The following PRR11 variants were observed in gnomAD, a reference collection of about 807,000 sequenced individuals.
The protein encoded by PRR11 is proline-rich protein 11.
PRR11 carries 30 observed loss-of-function variants against 45.6 expected under a neutral mutation model. The ratio of observed to expected loss-of-function variants is 0.66; its 90% CI spans 0.49 to 0.89. The LOEUF (loss-of-function observed/expected upper bound fraction) is 0.89, where lower values mean the gene tolerates loss of function less well. PRR11 is among the 40% of genes least tolerant of loss of function. PRR11 has a pLI of 0.00. For synonymous variants in PRR11, 128 were observed against 153.5 expected (o/e 0.83, Z 1.23); for missense variants, 373 against 424.8 (o/e 0.88, Z 1.07).
chr17:59,186,900 A>G (rs2046816819), intron 4 of PRR11, among the ~76,000 whole-genome samples: 1 of 152,226 alleles, frequency 6.6e-6, no homozygotes, highest in African/African-American at 2.4e-5. Context: ...TAAATACAGG[A>G]ATACAAGCCA....
chr17:59,198,270 T>A (rs2046876273), intron 9 of PRR11, among the ~76,000 whole-genome samples: 1 of 152,138 alleles, frequency 6.6e-6, no homozygotes, highest in Non-Finnish European at 1.5e-5. Flanking sequence ...GCACAGTGAG[T>A]GGCTCATGCC....
At chr17:59,162,213 GACACACACACAC>G (rs58983044) in intron 1 of PRR11, among the ~76,000 whole-genome samples, 59 of 139,582 alleles carry the variant, frequency 4.2e-4, no homozygotes, top group Middle Eastern at 3.8e-3. Flanking sequence ...ACCCAAGTCA[GACACACACACAC>G]ACACACACAC....
rs71367677 is a variant in PRR11, at chr17:59,204,395, CAAAAAA to C, written c.*2783_*2788del. On this transcript the variant is annotated 3_prime_UTR_variant, in exon 10 of 10. Transcript: ENST00000262293. ...TGGGCAACAGAGCCAGACCCTGCCT[CAAAAAA>C]AAAAAAAAAAAAAAAAAAGGCCTGG... 8 of 48,880 alleles carry C rather than the reference CAAAAAA, an allele frequency of 1.6e-4. No individual in the cohort carries two copies. Among genetic ancestry groups the C allele is most frequent in the East Asian group, 1.2e-3 (2 of 1,714 alleles). The allele number at this position is 48,880 out of a possible 1,614,324, so 3.0% of individuals were successfully genotyped here. A position where few individuals can be genotyped will look rare whatever the true frequency, so the allele number is the denominator to read the frequency against.
rs1459077399 is a variant in PRR11, at chr17:59,205,287, GCAAC to G, written c.*3659_*3662del. The stretch of plus-strand genomic sequence containing the variant: ...CCGGTGTTTACTTTGAGACTGAATG[GCAAC>G]CAGAGAATGTAAACAACCAAGGTGC... On this transcript the variant is annotated 3_prime_UTR_variant, in exon 10 of 10. Coordinates refer to ENST00000262293, the MANE Select transcript of PRR11 (RefSeq NM_018304.4). Among the ~76,000 whole-genome samples the G allele has an allele frequency of 6.6e-6, 1 of 151,872 alleles. No individual in the cohort carries two copies. Among genetic ancestry groups the G allele is most frequent in the Non-Finnish European group, 1.5e-5 (1 of 67,956 alleles).
chr17:59,172,081 C>T (rs2046711989), intron 2 of PRR11, among the ~76,000 whole-genome samples: 1 of 152,166 alleles, frequency 6.6e-6, no homozygotes, highest in Non-Finnish European at 1.5e-5. Context: ...ATTTTCCAAA[C>T]AAACCAATAA....
chr17:59,158,178 C>T (rs2046635163), intron 1 of PRR11, among the ~76,000 whole-genome samples: 1 of 152,062 alleles, frequency 6.6e-6, no homozygotes, highest in Non-Finnish European at 1.5e-5. Flanking sequence ...ACTCAGCAAA[C>T]CCAAACTAAG....
chr17:59,198,404 G>A (rs972655055), intron 9 of PRR11, among the ~76,000 whole-genome samples: 2 of 151,862 alleles, frequency 1.3e-5, no homozygotes, highest in Non-Finnish European at 2.9e-5. Flanking sequence ...GGCCGGGCAC[G>A]GTGGCTCACG....
At chr17:59,185,271 T>C (rs1001570759) in intron 3 of PRR11, 67 bp downstream of exon 3, 7 of 1,574,272 alleles carry the variant, frequency 4.4e-6, no homozygotes, top group East Asian at 2.2e-5. Context: ...TATATACATA[T>C]GTGCTCAAGT....
chr17:59,182,011 G>GT (rs983588061), intron 2 of PRR11, among the ~76,000 whole-genome samples: 17 of 130,564 alleles, frequency 1.3e-4, no homozygotes, highest in South Asian at 2.4e-4. Context: ...TTTTTTGCTT[G>GT]TTTTTTTGTT....
At chr17:59,168,899 C>G (rs552649791) in intron 1 of PRR11, among the ~76,000 whole-genome samples, 1 of 151,836 alleles carries the variant, frequency 6.6e-6, no homozygotes, top group East Asian at 1.9e-4. Context: ...TCTGTAAAAA[C>G]GGGAATAAAA....
chr17:59,187,262 G>A (rs1198911604), intron 4 of PRR11, among the ~76,000 whole-genome samples: 2 of 152,040 alleles, frequency 1.3e-5, no homozygotes, highest in Non-Finnish European at 2.9e-5. Flanking sequence ...ACATGAGTAG[G>A]TGCTCAACTT....
rs777336244 is a variant in PRR11, at chr17:59,185,580, A to G, written c.402+18A>G. Reference sequence around the variant, plus strand: ...CACTGAAGGTTGGTATTGTCAAATAAAAAGCAAATCTGGAATTAGGTAAGG... The same window carrying G: ...CACTGAAGGTTGGTATTGTCAAATAGAAAGCAAATCTGGAATTAGGTAAGG... On this transcript the variant is annotated intron_variant, in intron 4 of 9. Transcript: ENST00000262293. 1.9e-6 allele frequency: 3 copies of G among 1,579,420 alleles called. No homozygotes were observed. The highest frequency in any genetic ancestry group is 2.6e-6 in the Non-Finnish European group (3 of 1,164,866).
At chr17:59,163,862 CA>C (rs1187828889) in intron 1 of PRR11, among the ~76,000 whole-genome samples, 1 of 152,026 alleles carries the variant, frequency 6.6e-6, no homozygotes, top group Non-Finnish European at 1.5e-5. Context: ...GTCAGGAGTT[CA>C]AGACCAGCCT....
At chr17:59,171,842 T>A (rs2046710501) in intron 2 of PRR11, among the ~76,000 whole-genome samples, 1 of 151,984 alleles carries the variant, frequency 6.6e-6, no homozygotes, top group African/African-American at 2.4e-5. Context: ...GTAAGTATCA[T>A]AGATAAAAAG....
At chr17:59,169,090 ATTC>A (rs1482637642) in intron 1 of PRR11, among the ~76,000 whole-genome samples, 1 of 121,880 alleles carries the variant, frequency 8.2e-6, no homozygotes, top group Non-Finnish European at 1.7e-5. Flanking sequence ...AAAGAAACAT[ATTC>A]TTTTTTTTTT....
rs373624342 is a variant in PRR11, at chr17:59,185,119, A to G, written c.194A>G (p.Asn65Ser). The change falls in exon 3 of 10, where the codon AAT becomes AGT. Residue 65 changes from asparagine to serine, a missense_variant. Coordinates refer to ENST00000262293, the MANE Select transcript of PRR11 (RefSeq NM_018304.4). ...RSWLTSSWNF[N>S]FPNIRDAIKL... Reference sequence around the variant, plus strand: ...TGGCTAACATCATCCTGGAACTTCAATTTTCCTAACATCAGAGATGCAATA... The same window carrying G: ...TGGCTAACATCATCCTGGAACTTCAGTTTTCCTAACATCAGAGATGCAATA... The G allele has an allele frequency of 1.5e-5, 24 of 1,613,672 alleles. No homozygotes were observed. The highest frequency in any genetic ancestry group is 1.1e-4 in the African/African-American group (8 of 74,860).
Position 59,201,754 on chromosome 17 carries a change from T to G in PRR11, c.*123T>G. ...GGGAGGCTGAGGCAGGTGGATCACC[T>G]GAGGTCAGGAGTTTGAGACCAGCCT... On this transcript the variant is annotated 3_prime_UTR_variant, in exon 10 of 10. Transcript: ENST00000262293. 1.0e-6 allele frequency: 1 copy of G among 987,730 alleles called. No homozygotes were observed. Among genetic ancestry groups the G allele is most frequent in the Non-Finnish European group, 1.6e-6 (1 of 638,058 alleles). 61.2% of individuals were successfully genotyped at this position (987,730 alleles called of 1,614,324 possible). A position where few individuals can be genotyped will look rare whatever the true frequency, so the allele number is the denominator to read the frequency against.
intron 2 of PRR11, among the ~76,000 whole-genome samples, chr17:59,182,393 T>G (rs1168269862): frequency 6.9e-6 from 1 of 145,686 alleles, no homozygotes; most frequent in East Asian, 2.0e-4. Flanking sequence ...ACCCTTCTTT[T>G]TTTTTTTTTT....
chr17:59,195,384 G>T lies in PRR11; in HGVS notation c.798G>T (p.Gln266His). The T allele has an allele frequency of 6.2e-7, 1 of 1,614,008 alleles. No homozygotes were observed. Among genetic ancestry groups the T allele is most frequent in the Non-Finnish European group, 8.5e-7 (1 of 1,179,966 alleles). ...RNPLVTVSDL[Q>H]HVTLKPNSKV... Reference sequence around the variant, plus strand: ...CACTAGTTACCGTCTCTGACTTGCAGCATGTTACCCTGAAACCTAACTCCA... The same window carrying T: ...CACTAGTTACCGTCTCTGACTTGCATCATGTTACCCTGAAACCTAACTCCA... Residue 266 changes from glutamine (Q) to histidine (H), a missense_variant, in exon 7 of 10, where the codon CAG becomes CAT. Physicochemically the swap from Gln to His is conservative, Grantham distance 24. Coordinates refer to ENST00000262293, the MANE Select transcript of PRR11 (RefSeq NM_018304.4).
Sources: allele counts gnomAD v4.1 joint callset (sites outside exome capture counted in the v4.1 genomes callset), GRCh38; gene constraint gnomAD v4.1.1; transcripts MANE v1.5; gene names NCBI Gene and HGNC (gene_info 2026-07-23, HGNC 2026-07-21).